Variants in MAP3K14 observed in about 807,000 individuals in gnomAD.
The protein encoded by MAP3K14 is mitogen-activated protein kinase kinase kinase 14, also known as NF-kappa-beta-inducing kinase.
A neutral mutation model predicts 99.2 loss-of-function variants in MAP3K14; 16 were observed. That is an observed-to-expected ratio of 0.16 (90% CI 0.11 to 0.24). MAP3K14 has a LOEUF of 0.24. Ranked by LOEUF, MAP3K14 falls within the 10% of genes least tolerant of loss-of-function variation. MAP3K14 has a pLI of 1.00. For missense variants in MAP3K14, 784 were observed against 1,208.7 expected, an observed-to-expected ratio of 0.65 and a Z score of 5.21; for synonymous variants, 462 against 492.4, an observed-to-expected ratio of 0.94 and a Z score of 0.82.
chr17:45,266,421 G>T lies in MAP3K14; in HGVS notation c.2578+116C>A, dbSNP rs987578693. On this transcript the variant is annotated intron_variant, in intron 14 of 15. Transcript: ENST00000344686. ...GGAACCTCAAGTTCTGGGACCAGGC[G>T]CCTTCCTCCCTCCCACTGTGCCAGA... is the stretch of plus-strand genomic sequence containing the variant. 4.4e-6 allele frequency: 6 copies of T among 1,349,524 alleles called. No homozygotes were observed. The African/African-American group carries it at 7.3e-5, about 16-fold the overall frequency. The allele number at this position is 1,349,524 out of a possible 1,614,324, so 83.6% of individuals were successfully genotyped here.
chr17:45,288,129 C>T (rs2044282101), intron 3 of MAP3K14, among the ~76,000 whole-genome samples: 1 of 152,208 alleles, frequency 6.6e-6, no homozygotes, highest in Non-Finnish European at 1.5e-5. Flanking sequence ...AGACTCATGG[C>T]AGTCCTGGGG....
chr17:45,290,772 G>C lies in MAP3K14; in HGVS notation c.-20-7C>G, dbSNP rs751461305. 12 of 1,608,004 alleles carry C rather than the reference G, an allele frequency of 7.5e-6. No individual in the cohort carries two copies. The South Asian group carries it at 1.3e-4, about 18-fold the overall frequency. On this transcript the variant is annotated splice_polypyrimidine_tract_variant and splice_region_variant and intron_variant, in intron 1 of 15. Coordinates refer to ENST00000344686, the MANE Select transcript of MAP3K14 (RefSeq NM_003954.5). ...TCCCAGGCTTGTGCTCATCCTGAGA[G>C]AGACCAAACACAGAGCAGGTCACTT...
At chr17:45,293,737 A>G (rs1358176275) in intron 1 of MAP3K14, among the ~76,000 whole-genome samples, 1 of 152,166 alleles carries the variant, frequency 6.6e-6, no homozygotes, top group African/African-American at 2.4e-5. Context: ...CCTCACCGAC[A>G]GCCTCCAAGT....
chr17:45,301,728 A>G (rs766271723), intron 1 of MAP3K14, among the ~76,000 whole-genome samples: 2 of 152,062 alleles, frequency 1.3e-5, no homozygotes, highest in Non-Finnish European at 2.9e-5. Context: ...ACATATAGCA[A>G]TGGTTCTCTT....
intron 6 of MAP3K14, among the ~76,000 whole-genome samples, chr17:45,280,299 CTTTTTTTT>C (rs751994880): frequency 8.2e-6 from 1 of 122,334 alleles, no homozygotes; most frequent in East Asian, 2.2e-4. Context: ...CACAGAAACA[CTTTTTTTT>C]TTTTTTTTTT....
intron 11 of MAP3K14, 145 bp downstream of exon 11, chr17:45,270,268 A>T (rs1035184547): frequency 3.8e-6 from 4 of 1,055,794 alleles, no homozygotes; most frequent in Non-Finnish European, 5.2e-6. Context: ...ATCTCCCAAC[A>T]ACCCTGAGGC....
chr17:45,264,459 G>T lies in MAP3K14; in HGVS notation c.*177C>A. The T allele has an allele frequency of 1.4e-6, 1 of 718,886 alleles. No homozygotes were observed. The highest frequency in any genetic ancestry group is 1.8e-5 in the African/African-American group (1 of 55,750). 44.5% of individuals were successfully genotyped at this position (718,886 alleles called of 1,614,324 possible). A position where few individuals can be genotyped will look rare whatever the true frequency, so the allele number is the denominator to read the frequency against. ...GCAGGGTGGGGCAGGGCTCAGGTGT[G>T]AAATCCTGGGAGGCATTCTGCTTGC... On this transcript the variant is annotated 3_prime_UTR_variant, in exon 16 of 16. Coordinates refer to ENST00000344686, the MANE Select transcript of MAP3K14 (RefSeq NM_003954.5).
intron 11 of MAP3K14, among the ~76,000 whole-genome samples, chr17:45,269,447 C>T (rs1057491927): frequency 2.0e-5 from 3 of 152,138 alleles, no homozygotes; most frequent in African/African-American, 7.2e-5. Flanking sequence ...CCTTACTCTC[C>T]AAAATGATCT....
chr17:45,291,577 G>A (rs897773816), intron 1 of MAP3K14, among the ~76,000 whole-genome samples: 1 of 152,220 alleles, frequency 6.6e-6, no homozygotes, highest in African/African-American at 2.4e-5. Context: ...TCTGGGTTCT[G>A]TCTTGCCCAG....
chr17:45,311,854 C>T (rs1197736810), intron 1 of MAP3K14, among the ~76,000 whole-genome samples: 2 of 152,232 alleles, frequency 1.3e-5, no homozygotes, highest in Non-Finnish European at 2.9e-5. Context: ...CAAAGCTCCC[C>T]TCCTGCTTCT....
intron 6 of MAP3K14, among the ~76,000 whole-genome samples, chr17:45,282,655 G>C (rs2044232620): frequency 1.3e-5 from 2 of 152,010 alleles, no homozygotes; most frequent in Admixed American, 6.6e-5. Flanking sequence ...TCAGCATCTA[G>C]ATCAGGAGGA....
chr17:45,282,425 C>T (rs2143810640), intron 6 of MAP3K14, among the ~76,000 whole-genome samples: 1 of 151,728 alleles, frequency 6.6e-6, no homozygotes, highest in Admixed American at 6.6e-5. Context: ...TGTGGTGGTG[C>T]GTGCCTAAAG....
chr17:45,293,947 C>T (rs528623521), intron 1 of MAP3K14, among the ~76,000 whole-genome samples: 3 of 152,378 alleles, frequency 2.0e-5, no homozygotes, highest in Non-Finnish European at 4.4e-5. Flanking sequence ...TCCAGGACTA[C>T]TGGCCAGGGG....
chr17:45,274,329 C>A, intron 7 of MAP3K14, 75 bp from the exon 8 acceptor site: 2 of 1,573,264 alleles, frequency 1.3e-6, no homozygotes, highest in Admixed American at 1.9e-5. Flanking sequence ...GAGCACAGGG[C>A]AGGCAGTGGA....
intron 3 of MAP3K14, among the ~76,000 whole-genome samples, chr17:45,288,764 C>G (rs954106606): frequency 6.6e-6 from 1 of 152,110 alleles, no homozygotes; most frequent in Non-Finnish European, 1.5e-5. Context: ...TTCTACCGGG[C>G]CACCAAGTCT....
intron 6 of MAP3K14, among the ~76,000 whole-genome samples, chr17:45,283,875 C>T (rs976748543): frequency 3.3e-5 from 5 of 152,006 alleles, no homozygotes; most frequent in East Asian, 1.9e-4. Flanking sequence ...GCTTTGAGGC[C>T]GAGAGCTTTG....
At chr17:45,287,441 G>T in intron 3 of MAP3K14, 77 bp from the exon 4 acceptor site, 1 of 1,228,762 alleles carries the variant, frequency 8.1e-7, no homozygotes, top group Non-Finnish European at 1.2e-6. Context: ...CTTGTATCTG[G>T]ACTCCTGCAG....
rs34249023 is a variant in MAP3K14, at chr17:45,286,394, G to A, written c.1152+37C>T. The A allele has an allele frequency of 1.3e-6, 2 of 1,529,152 alleles. No homozygotes were observed. Among genetic ancestry groups the A allele is most frequent in the African/African-American group, 2.8e-5 (2 of 72,614 alleles). The allele number at this position is 1,529,152 out of a possible 1,614,324, so 94.7% of individuals were successfully genotyped here. A position where few individuals can be genotyped will look rare whatever the true frequency, so the allele number is the denominator to read the frequency against. On this transcript the variant is annotated intron_variant, in intron 5 of 15. Coordinates refer to ENST00000344686, the MANE Select transcript of MAP3K14 (RefSeq NM_003954.5). This position sits in a 1 kb window ranked among gnomAD's most constrained non-coding sequence, Gnocchi z 4.1. ...GAGAAAAGCATCCCCCAGGTTGCTG[G>A]TAGAGGGACATATACAGGTGCCGGG...
At chr17:45,285,017 G>T (rs1325635081) in intron 5 of MAP3K14, 68 bp from the exon 6 acceptor site, 15 of 1,493,208 alleles carry the variant, frequency 1.0e-5, no homozygotes, top group Non-Finnish European at 1.3e-5. Context: ...GGGCTACAGT[G>T]AGGAAGACTC....
Sources: gnomAD v4.1 joint callset for allele counts (sites outside exome capture counted in the v4.1 genomes callset) on GRCh38, gnomAD v4.1.1 for gene constraint, Gnocchi (gnomAD v3.1) non-coding constraint, MANE v1.5 for transcripts, NCBI Gene and HGNC (gene_info 2026-07-23, HGNC 2026-07-21) for gene names.